Variants in TRPM3 observed in about 807,000 individuals in gnomAD.
TRPM3 encodes the protein transient receptor potential cation channel subfamily M member 3.
A neutral mutation model predicts 181.2 loss-of-function variants in TRPM3; 77 were observed. That is an observed-to-expected ratio of 0.42 (90% CI 0.35 to 0.51). TRPM3 has a LOEUF of 0.51. Ranked by LOEUF, TRPM3 falls within the 20% of genes least tolerant of loss-of-function variation. TRPM3 has a pLI of 0.01. For synonymous variants in TRPM3, 745 were observed against 796.4 expected (o/e 0.94, Z 1.09); for missense variants, 1,759 against 2,196.7 (o/e 0.80, Z 3.98).
In TRPM3 at chr9:71,231,242, G is replaced by T. The variant is rs534305799; in HGVS notation, c.183+215411C>A. Reference sequence around the variant, plus strand: ...GAGATTATGCTAGATTATCTGGGTGGCCCAATTCAATATGAGAGTCTTATA... The same window carrying T: ...GAGATTATGCTAGATTATCTGGGTGTCCCAATTCAATATGAGAGTCTTATA... On this transcript the variant is annotated intron_variant, in intron 1 of 24. Coordinates refer to the TRPM3 transcript ENST00000357533. 2.0e-4 allele frequency among the ~76,000 whole-genome samples: 31 copies of T among 152,218 alleles called. No individual in the cohort carries two copies. In the South Asian group the frequency reaches 6.4e-3, roughly 32 times the overall value.
chr9:71,031,599 T>C (rs1160775134), intron 1 of TRPM3, among the ~76,000 whole-genome samples: 1 of 152,050 alleles, frequency 6.6e-6, no homozygotes, highest in Non-Finnish European at 1.5e-5. Context: ...GTTGGTAATA[T>C]TTTTAGTAAT....
rs1272212491 is a variant in TRPM3 at position 70,531,840 on chromosome 9, G to C, written c.*4113C>G. On this transcript the variant is annotated 3_prime_UTR_variant, in exon 26 of 26. Coordinates refer to ENST00000677713, the MANE Select transcript of TRPM3 (RefSeq NM_001366145.2). ...AGGACTCATTAGAGGATATACATCA[G>C]CTTACACACATATTTTACAGTGGTC... 6.6e-6 allele frequency: 1 copy of C among 152,078 alleles called. No homozygotes were observed. Among genetic ancestry groups the C allele is most frequent in the African/African-American group, 2.4e-5 (1 of 41,402 alleles). The allele number at this position is 152,078 out of a possible 1,614,324, so 9.4% of individuals were successfully genotyped here.
chr9:71,216,819 T>C (rs2131828292), intron 1 of TRPM3, among the ~76,000 whole-genome samples: 1 of 151,852 alleles, frequency 6.6e-6, no homozygotes. Context: ...AATAGAATCA[T>C]CCCTAGGTAA....
chr9:70,683,996 C>T (rs1249158387), intron 8 of TRPM3, among the ~76,000 whole-genome samples: 1 of 152,182 alleles, frequency 6.6e-6, no homozygotes, highest in East Asian at 1.9e-4. Context: ...TGAGGACACT[C>T]AGGATAACAT....
chr9:71,156,794 A>G (rs1011111499), intron 1 of TRPM3, among the ~76,000 whole-genome samples: 23 of 152,002 alleles, frequency 1.5e-4, no homozygotes, highest in African/African-American at 5.1e-4. Flanking sequence ...AAATTTGCAA[A>G]GTCTAATGGA....
At chr9:70,817,681 TC>T (rs2092823195) in intron 6 of TRPM3, among the ~76,000 whole-genome samples, 1 of 152,062 alleles carries the variant, frequency 6.6e-6, no homozygotes, top group South Asian at 2.1e-4. Flanking sequence ...AATGGAAAAC[TC>T]CCCAGAAGAA....
At chr9:70,653,888 T>C (rs776101243) in intron 9 of TRPM3, among the ~76,000 whole-genome samples, 3 of 152,084 alleles carry the variant, frequency 2.0e-5, no homozygotes, top group Non-Finnish European at 2.9e-5. Flanking sequence ...TCAAGAGTCA[T>C]GGGTGGATTC....
At chr9:71,062,376 C>G (rs1010591742) in intron 1 of TRPM3, among the ~76,000 whole-genome samples, 2 of 152,022 alleles carry the variant, frequency 1.3e-5, no homozygotes, top group Non-Finnish European at 2.9e-5. Flanking sequence ...GGTCTAAATA[C>G]CCTCCTTTCT....
chr9:71,325,119 T>C (rs541435227), intron 1 of TRPM3, among the ~76,000 whole-genome samples: 1 of 152,190 alleles, frequency 6.6e-6, no homozygotes. Context: ...GCAAATTATA[T>C]ATATATGTAA....
intron 6 of TRPM3, among the ~76,000 whole-genome samples, chr9:70,809,494 C>T (rs1446424056): frequency 6.6e-6 from 1 of 152,128 alleles, no homozygotes; most frequent in African/African-American, 2.4e-5. Context: ...TGTTTAGATA[C>T]ACAAATACTT....
At chr9:71,231,055 A>G (rs1454964248) in intron 1 of TRPM3, among the ~76,000 whole-genome samples, 1 of 152,220 alleles carries the variant, frequency 6.6e-6, no homozygotes, top group African/African-American at 2.4e-5. Context: ...GGAATATATC[A>G]AGCTACTTTG....
intron 1 of TRPM3, among the ~76,000 whole-genome samples, chr9:71,211,003 C>A (rs1187089349): frequency 6.6e-6 from 1 of 152,194 alleles, no homozygotes; most frequent in African/African-American, 2.4e-5. Context: ...TAACTTTTAT[C>A]ACCTCTTGCA....
intron 17 of TRPM3, among the ~76,000 whole-genome samples, chr9:70,617,361 G>GAGAA (rs1356337254): frequency 5.3e-5 from 8 of 152,146 alleles, no homozygotes; most frequent in Non-Finnish European, 1.2e-4. Context: ...GAGTGGTATG[G>GAGAA]AGAAGGGGTA....
intron 1 of TRPM3, among the ~76,000 whole-genome samples, chr9:71,026,460 C>T (rs1468618521): frequency 6.6e-6 from 1 of 152,190 alleles, no homozygotes; most frequent in African/African-American, 2.4e-5. Context: ...CCTCTGCTGC[C>T]TTTGCCTTCA....
intron 8 of TRPM3, among the ~76,000 whole-genome samples, chr9:70,696,359 C>G (rs111776445): frequency 6.6e-6 from 1 of 152,180 alleles, no homozygotes; most frequent in Non-Finnish European, 1.5e-5. Context: ...ATCCGGAGAC[C>G]GATCAGGTTT....
chr9:70,849,369 A>G (rs1212797738), intron 3 of TRPM3, among the ~76,000 whole-genome samples: 2 of 151,572 alleles, frequency 1.3e-5, no homozygotes, highest in South Asian at 4.2e-4. Context: ...CTGGTCTTGA[A>G]CTCCTGATCT....
At chr9:71,075,126 T>C (rs946581120) in intron 1 of TRPM3, among the ~76,000 whole-genome samples, 1 of 152,150 alleles carries the variant, frequency 6.6e-6, no homozygotes, top group Admixed American at 6.6e-5. Flanking sequence ...TGATTTGTTT[T>C]AGGTTTTTGT....
chr9:70,616,105 A>G (rs2062734059), intron 17 of TRPM3, 30 bp from the exon 18 acceptor site: 1 of 1,482,144 alleles, frequency 6.7e-7, no homozygotes. Context: ...AATAATAATA[A>G]TCACATTTAA....
chr9:71,216,906 A>G (rs2079902541), intron 1 of TRPM3, among the ~76,000 whole-genome samples: 1 of 148,144 alleles, frequency 6.8e-6, no homozygotes, highest in African/African-American at 2.5e-5. Context: ...GTACAGCACA[A>G]GTTTTGCACA....
Sources: allele counts gnomAD v4.1 joint callset (sites outside exome capture counted in the v4.1 genomes callset), GRCh38; gene constraint gnomAD v4.1.1; transcripts MANE v1.5; gene names NCBI Gene and HGNC (gene_info 2026-07-23, HGNC 2026-07-21).